DNAH9: variants seen among roughly 807,000 people sequenced by gnomAD.
The protein encoded by DNAH9 is DNAH9 variant protein.
DNAH9 carries 345 observed loss-of-function variants against 471.6 expected under a neutral mutation model. That is an observed-to-expected ratio of 0.73 (90% confidence interval 0.67 to 0.80). DNAH9 has a LOEUF of 0.80. Among genes scored for constraint, DNAH9 ranks in the 30% least tolerant of loss-of-function variants. DNAH9 has a pLI of 0.00. For synonymous variants in DNAH9, 2,093 were observed against 2,123.6 expected (o/e 0.99, Z 0.40); for missense variants, 5,407 against 5,609.2 (o/e 0.96, Z 1.15).
chr17:11,886,821 A>G lies in DNAH9; in HGVS notation c.10972-4A>G. On this transcript the variant is annotated splice_region_variant and splice_polypyrimidine_tract_variant and intron_variant, in intron 56 of 68. Transcript: ENST00000262442. The stretch of plus-strand genomic sequence containing the variant: ...CAGTGGGCTGCTGTTTATTTTTCCA[A>G]CAGGTCCAGGAGGCCAAGGTGACTG... 1.2e-6 allele frequency: 2 copies of G among 1,604,142 alleles called. No individual in the cohort carries two copies. Among genetic ancestry groups the G allele is most frequent in the Non-Finnish European group, 1.7e-6 (2 of 1,174,740 alleles).
intron 48 of DNAH9, among the ~76,000 whole-genome samples, chr17:11,826,640 G>A (rs1196466452): frequency 3.4e-5 from 5 of 149,194 alleles, no homozygotes; most frequent in Non-Finnish European, 7.4e-5. Context: ...TTTTTTGTAT[G>A]TTTAATGGAG....
At chr17:11,793,228 AAAGTC>A (rs1384979005) in intron 41 of DNAH9, among the ~76,000 whole-genome samples, 3 of 152,198 alleles carry the variant, frequency 2.0e-5, no homozygotes, top group African/African-American at 7.2e-5. Flanking sequence ...TGCCTCGCCC[AAAGTC>A]ACACAGTTGC....
chr17:11,959,209 G>A (rs545947607), intron 67 of DNAH9, among the ~76,000 whole-genome samples: 3 of 152,164 alleles, frequency 2.0e-5, no homozygotes, highest in Admixed American at 6.6e-5. Flanking sequence ...AACAAGGCAA[G>A]GTTTTCCATC....
At chr17:11,827,762 C>T (rs1299386040) in intron 48 of DNAH9, among the ~76,000 whole-genome samples, 8 of 151,884 alleles carry the variant, frequency 5.3e-5, no homozygotes, top group East Asian at 1.9e-4. Context: ...CTCGGCTCAC[C>T]GCAACCTCCG....
chr17:11,704,216 G>C lies in DNAH9; in HGVS notation c.5165G>C (p.Cys1722Ser). Residue 1722 changes from cysteine to serine, a missense_variant, in exon 25 of 69, where the codon TGT (cysteine) becomes TCT (serine). Physicochemically the swap from Cys to Ser is moderately radical, Grantham distance 112. Coordinates refer to ENST00000262442, the MANE Select transcript of DNAH9 (RefSeq NM_001372.4). ...FDHPAQVALT[C>S]TQIWWTTEVG... ...TTGCTGCCACAGGTGGCCCTGACCT[G>C]TACTCAGATCTGGTGGACAACAGAA... 1 of 1,614,136 alleles carries C rather than the reference G, an allele frequency of 6.2e-7. No individual in the cohort carries two copies. Among genetic ancestry groups the C allele is most frequent in the Non-Finnish European group, 8.5e-7 (1 of 1,180,018 alleles).
intron 61 of DNAH9, among the ~76,000 whole-genome samples, chr17:11,912,452 A>C (rs1973822685): frequency 6.6e-6 from 1 of 152,128 alleles, no homozygotes; most frequent in Non-Finnish European, 1.5e-5. Context: ...TTTTTTGTAG[A>C]TATCCTTTAT....
At chr17:11,827,341 G>A (rs1970532592) in intron 48 of DNAH9, among the ~76,000 whole-genome samples, 2 of 152,198 alleles carry the variant, frequency 1.3e-5, no homozygotes. Flanking sequence ...CATTGCACTG[G>A]CATCTGCATG....
chr17:11,908,319 CAAAT>C (rs1256559791), intron 61 of DNAH9, among the ~76,000 whole-genome samples: 1 of 152,152 alleles, frequency 6.6e-6, no homozygotes, highest in African/African-American at 2.4e-5. Context: ...TTTTAATTGA[CAAAT>C]AATAATTGCA....
rs545505645 is a variant in DNAH9 at position 11,609,969 on chromosome 17, G to C, written c.615-427G>C. On this transcript the variant is annotated intron_variant, in intron 2 of 68. Coordinates refer to ENST00000262442, the MANE Select transcript of DNAH9 (RefSeq NM_001372.4). Reference sequence around the variant, plus strand: ...AGAGACAAACTTTTTCCTTGGGAGAGCCAACCTATTGAGAAAGGTGCTGCT... The same window carrying C: ...AGAGACAAACTTTTTCCTTGGGAGACCCAACCTATTGAGAAAGGTGCTGCT... 3.9e-5 allele frequency among the ~76,000 whole-genome samples: 6 copies of C among 152,310 alleles called. No individual in the cohort carries two copies. In the South Asian group the frequency reaches 1.2e-3, roughly 32 times the overall value.
At chr17:11,801,214 T>C (rs1400085162) in intron 43 of DNAH9, among the ~76,000 whole-genome samples, 2 of 152,224 alleles carry the variant, frequency 1.3e-5, no homozygotes, top group Admixed American at 1.3e-4. Context: ...CTTGCAATAG[T>C]GCAATCTGGC....
At position 11,757,807 on chromosome 17, in the gene DNAH9, C is replaced by A. The variant is rs931167309; in HGVS notation, c.6995+115C>A. On this transcript the variant is annotated intron_variant, in intron 35 of 68. Transcript: ENST00000262442. ...GTCCCAAAGTCAGATGTTCCCAGAG[C>A]GATCTCCTCCAGGCATGGCAGATGG... 5 of 1,140,120 alleles carry A rather than the reference C, an allele frequency of 4.4e-6. No individual in the cohort carries two copies. The East Asian group carries it at 1.3e-4, about 29-fold the overall frequency. The allele number at this position is 1,140,120 out of a possible 1,614,324, so 70.6% of individuals were successfully genotyped here. A position where few individuals can be genotyped will look rare whatever the true frequency, so the allele number is the denominator to read the frequency against.
At chr17:11,765,950 C>T (rs1381762937) in intron 36 of DNAH9, among the ~76,000 whole-genome samples, 3 of 152,108 alleles carry the variant, frequency 2.0e-5, no homozygotes, top group African/African-American at 7.2e-5. Flanking sequence ...AATATGTGAT[C>T]AATTTTTCTA....
chr17:11,727,955 T>A, intron 28 of DNAH9, 33 bp downstream of exon 28: 1 of 1,370,126 alleles, frequency 7.3e-7, no homozygotes. Context: ...AGCCTTGTGG[T>A]CTTCATATTG....
chr17:11,608,189 G>A lies in DNAH9; in HGVS notation c.478G>A (p.Glu160Lys), dbSNP rs1409594775. The A allele has an allele frequency of 6.2e-7, 1 of 1,613,886 alleles. No individual in the cohort carries two copies. The highest frequency in any genetic ancestry group is 1.7e-5 in the Admixed American group (1 of 60,014). Residue 160 changes from glutamate to lysine, a missense_variant, in exon 2 of 69, where the codon GAG (glutamate) becomes AAG (lysine). This residue lies in a region of DNAH9 where 767 missense variants were observed against 692.5 expected (regional missense o/e 1.11). Transcript: ENST00000262442. ...NRLNWPHMIC[E>K]DVRRHAHSLQ... ...CCTAAACTGGCCCCACATGATATGT[G>A]AGGATGTCAGGCGGCACGCCCACAG...
At chr17:11,618,827 T>C (rs886633323) in intron 5 of DNAH9, among the ~76,000 whole-genome samples, 1 of 152,158 alleles carries the variant, frequency 6.6e-6, no homozygotes, top group Non-Finnish European at 1.5e-5. Flanking sequence ...TTTAAAGATG[T>C]GGGCTACTGT....
chr17:11,690,803 C>A (rs771332121), intron 20 of DNAH9, among the ~76,000 whole-genome samples: 1 of 152,154 alleles, frequency 6.6e-6, no homozygotes, highest in African/African-American at 2.4e-5. Flanking sequence ...CCACTGAAAG[C>A]GAGTCTCGTT....
chr17:11,903,915 A>AAGAAAAC (rs1973498384), intron 60 of DNAH9, among the ~76,000 whole-genome samples: 1 of 150,984 alleles, frequency 6.6e-6, no homozygotes, highest in African/African-American at 2.4e-5. Context: ...CATTTTAAAA[A>AAGAAAAC]AGAAAGAAGG....
At chr17:11,941,803 G>A (rs977037790) in intron 66 of DNAH9, among the ~76,000 whole-genome samples, 5 of 151,686 alleles carry the variant, frequency 3.3e-5, no homozygotes, top group African/African-American at 1.2e-4. Flanking sequence ...GATAGATATT[G>A]TATATAACTG....
chr17:11,869,054 C>T, intron 50 of DNAH9, 80 bp from the exon 51 acceptor site: 2 of 1,535,260 alleles, frequency 1.3e-6, no homozygotes, highest in Non-Finnish European at 1.8e-6. Context: ...GAACCACCTC[C>T]ATGTGAACCC....
Sources: allele counts gnomAD v4.1 joint callset (sites outside exome capture counted in the v4.1 genomes callset), GRCh38; gene constraint gnomAD v4.1.1; regional missense constraint gnomAD v4.1.1; transcripts MANE v1.5; gene names NCBI Gene and HGNC (gene_info 2026-07-23, HGNC 2026-07-21).